The following KANSL1L variants were observed in gnomAD, a reference collection of about 807,000 sequenced individuals.
KANSL1L encodes KAT8 regulatory NSL complex subunit 1 like.
Under a neutral mutation model 108.6 loss-of-function variants are expected in KANSL1L, and 25 were observed. That is an observed-to-expected ratio of 0.23 (90% CI 0.17 to 0.32). KANSL1L has a LOEUF of 0.32. Among genes scored for constraint, KANSL1L ranks in the 10% least tolerant of loss-of-function variants. KANSL1L has a pLI of 1.00. For missense variants in KANSL1L, 1,137 were observed against 1,125.7 expected (o/e 1.01, Z -0.14); for synonymous variants, 405 against 395.1 (o/e 1.03, Z -0.30).
intron 6 of KANSL1L, among the ~76,000 whole-genome samples, chr2:210,069,322 T>C (rs897693652): frequency 4.6e-5 from 7 of 152,206 alleles, no homozygotes; most frequent in Non-Finnish European, 1.0e-4. Context: ...CATGATGATA[T>C]ACATATTCTC....
At chr2:210,089,297 G>C (rs902226021) in intron 5 of KANSL1L, among the ~76,000 whole-genome samples, 3 of 152,114 alleles carry the variant, frequency 2.0e-5, no homozygotes, top group African/African-American at 7.2e-5. Flanking sequence ...GACACATTGA[G>C]TACAGTAATT....
At chr2:210,139,497 A>G (rs894415228) in intron 2 of KANSL1L, among the ~76,000 whole-genome samples, 3 of 152,148 alleles carry the variant, frequency 2.0e-5, no homozygotes, top group African/African-American at 4.8e-5. Context: ...ATTTTCTGTA[A>G]TATCTGTGCT....
At chr2:210,128,962 G>C (rs2095094362) in intron 3 of KANSL1L, 69 bp downstream of exon 3, 7 of 1,217,956 alleles carry the variant, frequency 5.7e-6, no homozygotes, top group Admixed American at 2.3e-5. Context: ...TTATTTTTGT[G>C]ATCAAATGAG....
At chr2:210,137,584 T>C (rs1416876512) in intron 2 of KANSL1L, among the ~76,000 whole-genome samples, 1 of 152,208 alleles carries the variant, frequency 6.6e-6, no homozygotes, top group Non-Finnish European at 1.5e-5. Flanking sequence ...CAATCTTAAA[T>C]ATATTATGCA....
At chr2:210,055,292 T>C (rs1356878317) in intron 6 of KANSL1L, among the ~76,000 whole-genome samples, 3 of 152,222 alleles carry the variant, frequency 2.0e-5, no homozygotes, top group Non-Finnish European at 4.4e-5. Context: ...TCAAACCTCT[T>C]TCCTTTATAA....
At chr2:210,043,500 CA>C (rs1353044136) in intron 7 of KANSL1L, 2 of 153,594 alleles carry the variant, frequency 1.3e-5, no homozygotes, top group Non-Finnish European at 1.4e-5. Flanking sequence ...TATAGGTACG[CA>C]GTTTTCTTCC....
At chr2:210,063,266 C>T (rs1281053972) in intron 6 of KANSL1L, among the ~76,000 whole-genome samples, 4 of 152,202 alleles carry the variant, frequency 2.6e-5, no homozygotes, top group East Asian at 1.9e-4. Context: ...TGTATGGAAA[C>T]GCCTGGATGT....
chr2:210,023,334 A>C (rs2093887662), intron 14 of KANSL1L, among the ~76,000 whole-genome samples, 155 bp from the exon 15 acceptor site: 1 of 152,176 alleles, frequency 6.6e-6, no homozygotes, highest in African/African-American at 2.4e-5. Flanking sequence ...AGCAACTCAA[A>C]ATGGAATATA....
chr2:210,043,000 A>C (rs1287899318), intron 7 of KANSL1L, among the ~76,000 whole-genome samples: 1 of 152,208 alleles, frequency 6.6e-6, no homozygotes, highest in East Asian at 1.9e-4. Context: ...CCCAGTAAAG[A>C]AGAACCGGAG....
At chr2:210,066,445 G>A (rs1189571525) in intron 6 of KANSL1L, among the ~76,000 whole-genome samples, 13 of 152,248 alleles carry the variant, frequency 8.5e-5, no homozygotes, top group Non-Finnish European at 7.3e-5. Context: ...TACTCTGAAT[G>A]TGCAGCATGG....
chr2:210,155,537 C>A (rs1467549900), intron 1 of KANSL1L, among the ~76,000 whole-genome samples: 1 of 152,162 alleles, frequency 6.6e-6, no homozygotes, highest in Admixed American at 6.5e-5. Flanking sequence ...TGCAATTTTA[C>A]CCTTTTCACA....
chr2:210,146,676 C>G (rs575533045), intron 2 of KANSL1L, among the ~76,000 whole-genome samples: 1 of 152,300 alleles, frequency 6.6e-6, no homozygotes, highest in Admixed American at 6.5e-5. Context: ...AGTTTCTCCA[C>G]CTGATTCTGT....
intron 1 of KANSL1L, among the ~76,000 whole-genome samples, chr2:210,158,606 T>C (rs993457440): frequency 6.6e-6 from 1 of 152,102 alleles, no homozygotes; most frequent in Non-Finnish European, 1.5e-5. Context: ...TGAAGACTTT[T>C]AAGCTCTAGT....
intron 3 of KANSL1L, among the ~76,000 whole-genome samples, chr2:210,106,197 T>G (rs2094845274): frequency 6.6e-6 from 1 of 152,144 alleles, no homozygotes; most frequent in Non-Finnish European, 1.5e-5. Flanking sequence ...TCTCCACAAG[T>G]ACCTGCATGT....
At chr2:210,068,492 T>C (rs1429020547) in intron 6 of KANSL1L, among the ~76,000 whole-genome samples, 1 of 152,196 alleles carries the variant, frequency 6.6e-6, no homozygotes, top group Non-Finnish European at 1.5e-5. Context: ...TGATTAGTGA[T>C]ATTTGTATCC....
intron 3 of KANSL1L, among the ~76,000 whole-genome samples, chr2:210,108,959 C>T (rs2094877857): frequency 6.6e-6 from 1 of 152,106 alleles, no homozygotes; most frequent in Non-Finnish European, 1.5e-5. Flanking sequence ...CCTTTAAATA[C>T]CATACTACTT....
rs769171854 is a variant in KANSL1L at position 210,023,997 on chromosome 2, A to G, written c.2733+36T>C. Reference sequence around the variant, plus strand: ...TCTACAAACAAGTAGTTAAAAGTCAAGGAATGGGAAGTTTAATCATACATA... The same window carrying G: ...TCTACAAACAAGTAGTTAAAAGTCAGGGAATGGGAAGTTTAATCATACATA... On this transcript the variant is annotated intron_variant, in intron 14 of 14. Transcript: ENST00000281772. The G allele has an allele frequency of 3.6e-6, 5 of 1,407,392 alleles. No individual in the cohort carries two copies. The African/African-American group carries it at 7.4e-5, about 21-fold the overall frequency. 87.2% of individuals were successfully genotyped at this position (1,407,392 alleles called of 1,614,324 possible). A position where few individuals can be genotyped will look rare whatever the true frequency, so the allele number is the denominator to read the frequency against.
intron 11 of KANSL1L, 97 bp downstream of exon 11, chr2:210,028,748 A>G: frequency 1.1e-6 from 1 of 897,340 alleles, no homozygotes. Context: ...GAACTGGGAG[A>G]AGGATGCTCC....
At chr2:210,085,667 C>CT (rs1281339218) in intron 5 of KANSL1L, among the ~76,000 whole-genome samples, 1 of 151,872 alleles carries the variant, frequency 6.6e-6, no homozygotes, top group Non-Finnish European at 1.5e-5. Flanking sequence ...CCCTTCACAT[C>CT]TTTTTTCTAT....
Sources: allele counts gnomAD v4.1 joint callset (sites outside exome capture counted in the v4.1 genomes callset), GRCh38; gene constraint gnomAD v4.1.1; transcripts MANE v1.5; gene names NCBI Gene and HGNC (gene_info 2026-07-23, HGNC 2026-07-21).